Variants in TJP1 observed in about 807,000 individuals in gnomAD.
TJP1 encodes the protein tight junction protein ZO-1.
In TJP1, 43 loss-of-function variants were observed where a neutral mutation model predicts 194.2. The observed-to-expected ratio is 0.22, with a 90% confidence interval of 0.17 to 0.29. TJP1 has a LOEUF of 0.29. TJP1 is among the 10% of genes least tolerant of loss of function. The pLI is 1.00. For synonymous variants in TJP1, 801 were observed against 779.0 expected (o/e 1.03, Z -0.47); for missense variants, 1,971 against 2,185.7 (o/e 0.90, Z 1.96).
intron 2 of TJP1, among the ~76,000 whole-genome samples, chr15:29,913,449 G>T (rs1217943986): frequency 6.6e-6 from 1 of 152,156 alleles, no homozygotes; most frequent in Non-Finnish European, 1.5e-5. Context: ...TTGTGTATGT[G>T]CACACACATT....
intron 2 of TJP1, among the ~76,000 whole-genome samples, chr15:29,869,038 T>C (rs965222509): frequency 6.6e-6 from 1 of 152,196 alleles, no homozygotes; most frequent in Non-Finnish European, 1.5e-5. Flanking sequence ...AAAGGCAGCA[T>C]TTCAAGAAAA....
rs574399732 is a variant in TJP1 at position 29,701,174 on chromosome 15, C to T, written c.*421G>A. 2 of 161,810 alleles carry T rather than the reference C, an allele frequency of 1.2e-5. No individual in the cohort carries two copies. The highest frequency in any genetic ancestry group is 4.8e-5 in the African/African-American group (2 of 41,920). 10.0% of individuals were successfully genotyped at this position (161,810 alleles called of 1,614,324 possible). ...TTTAAAAAATGTGTGCATATTACTT[C>T]ATGCATAATAAAATAAAATGTGTAC... On this transcript the variant is annotated 3_prime_UTR_variant, in exon 28 of 28. Transcript: ENST00000614355.
intron 2 of TJP1, among the ~76,000 whole-genome samples, chr15:29,931,045 A>G (rs188169459): frequency 6.6e-6 from 1 of 152,296 alleles, no homozygotes; most frequent in Non-Finnish European, 1.5e-5. Flanking sequence ...CCTCCTGTTG[A>G]CCAGAAGCCT....
At chr15:29,844,217 T>C (rs1018911452) in intron 2 of TJP1, among the ~76,000 whole-genome samples, 5 of 152,072 alleles carry the variant, frequency 3.3e-5, no homozygotes, top group Non-Finnish European at 5.9e-5. Flanking sequence ...ACTACAGGCA[T>C]GCATCACCAC....
At chr15:29,752,117 C>T (rs1333075279) in intron 8 of TJP1, among the ~76,000 whole-genome samples, 13 of 113,232 alleles carry the variant, frequency 1.1e-4, no homozygotes, top group African/African-American at 3.1e-4. Context: ...TTTTTTTTTC[C>T]CCCCAGACGG....
At chr15:29,903,674 G>A (rs1297669457) in intron 2 of TJP1, among the ~76,000 whole-genome samples, 1 of 152,120 alleles carries the variant, frequency 6.6e-6, no homozygotes, top group Non-Finnish European at 1.5e-5. Flanking sequence ...TCAATCTCCC[G>A]ACCTTGTGAT....
At chr15:29,774,633 GT>G (rs796329725) in intron 2 of TJP1, among the ~76,000 whole-genome samples, 18 of 148,848 alleles carry the variant, frequency 1.2e-4, no homozygotes, top group South Asian at 8.5e-4. Flanking sequence ...AATGGGAGGT[GT>G]TTTTTTTTTC....
chr15:29,955,753 TAAAAAAAAAAAAA>T lies in TJP1; in HGVS notation c.306+466_306+478del, dbSNP rs563535771. On this transcript the variant is annotated intron_variant, in intron 2 of 28. Transcript: ENST00000356107. ...GCAACAGAAGGAGACCCTGGCTCTT[TAAAAAAAAAAAAA>T]AAAAAAAAAAAAAAAAAGAATAGAA... Among the ~76,000 whole-genome samples, 18 of 35,816 alleles carry T rather than the reference TAAAAAAAAAAAAA, an allele frequency of 5.0e-4. 1 individual carries two copies. The highest frequency in any genetic ancestry group is 3.2e-3 in the East Asian group (3 of 924). The allele number at this position is 35,816 out of a possible 152,430, so 23.5% of individuals were successfully genotyped here. A position where few individuals can be genotyped will look rare whatever the true frequency, so the allele number is the denominator to read the frequency against.
Position 29,703,920 on chromosome 15 carries a change from G to C in TJP1, c.5212+242C>G, listed in dbSNP as rs548365865. ...AGCCTCCCAAAGTGCTGCGATTACAGGCATGAGCCACGGCGCCCGGCCCAA... is the reference window on the plus strand; with the variant it reads ...AGCCTCCCAAAGTGCTGCGATTACACGCATGAGCCACGGCGCCCGGCCCAA... On this transcript the variant is annotated intron_variant, in intron 27 of 27. Coordinates refer to ENST00000614355, the MANE Select transcript of TJP1 (RefSeq NM_001330239.4). Among the ~76,000 whole-genome samples the C allele has an allele frequency of 6.6e-5, 10 of 152,334 alleles. No homozygotes were observed. The South Asian group carries it at 1.9e-3, about 28-fold the overall frequency.
intron 2 of TJP1, among the ~76,000 whole-genome samples, chr15:29,837,118 T>C (rs12440708): frequency 0.79 from 119,578 of 152,132 alleles, 47,750 homozygotes; most frequent in East Asian, 0.89. Context: ...TATATTATTC[T>C]GTATTATTTA....
At chr15:29,812,582 C>G (rs1799514400) in intron 1 of TJP1, among the ~76,000 whole-genome samples, 1 of 152,152 alleles carries the variant, frequency 6.6e-6, no homozygotes, top group South Asian at 2.1e-4. Flanking sequence ...TAAGACTTAC[C>G]TAACACCATC....
chr15:29,850,423 C>T (rs1399566437), intron 2 of TJP1, among the ~76,000 whole-genome samples: 3 of 152,050 alleles, frequency 2.0e-5, no homozygotes, highest in African/African-American at 7.2e-5. Context: ...CTCCGCCTCC[C>T]AGGTCCTGGT....
rs551944804 is a variant in TJP1 at position 29,809,750 on chromosome 15, G to A, written c.28-9048C>T. 5.3e-5 allele frequency among the ~76,000 whole-genome samples: 8 copies of A among 152,210 alleles called. No individual in the cohort carries two copies. In the South Asian group the frequency reaches 6.2e-4, roughly 12 times the overall value. ...AATCCCAGCTACTCAGGAGGCTGAG[G>A]CAGGAGAATCCCTTGAACCAGGGAG... On this transcript the variant is annotated intron_variant, in intron 1 of 27. Coordinates refer to ENST00000614355, the MANE Select transcript of TJP1 (RefSeq NM_001330239.4).
chr15:29,844,777 C>T (rs2051349022), intron 2 of TJP1, among the ~76,000 whole-genome samples: 1 of 152,082 alleles, frequency 6.6e-6, no homozygotes, highest in Non-Finnish European at 1.5e-5. Flanking sequence ...TGAGATCAAT[C>T]TGGACTTAAG....
At chr15:29,880,963 ATGAGATTGCTAGATCG>A (rs2052906312) in intron 2 of TJP1, among the ~76,000 whole-genome samples, 1 of 152,222 alleles carries the variant, frequency 6.6e-6, no homozygotes, top group South Asian at 2.1e-4. Flanking sequence ...ATACCTATAA[ATGAGATTGCTAGATCG>A]TGTAATTCTA....
At chr15:29,735,787 T>A (rs886219234) in intron 11 of TJP1, among the ~76,000 whole-genome samples, 1 of 152,126 alleles carries the variant, frequency 6.6e-6, no homozygotes, top group African/African-American at 2.4e-5. Context: ...AGAATGACCA[T>A]ATCAGATCAG....
At chr15:29,801,125 T>A (rs1024754445) in intron 1 of TJP1, among the ~76,000 whole-genome samples, 4 of 152,184 alleles carry the variant, frequency 2.6e-5, no homozygotes, top group Admixed American at 2.6e-4. Context: ...TAAATATACA[T>A]GTCACAGGAA....
intron 2 of TJP1, among the ~76,000 whole-genome samples, chr15:29,892,996 T>A: frequency 6.6e-6 from 1 of 152,222 alleles, no homozygotes; most frequent in East Asian, 1.9e-4. Context: ...CTGAGCAAAG[T>A]AAATTAAAAA....
intron 2 of TJP1, among the ~76,000 whole-genome samples, chr15:29,925,304 C>T (rs894109122): frequency 2.0e-5 from 3 of 152,210 alleles, no homozygotes; most frequent in Non-Finnish European, 4.4e-5. Context: ...TTCCAGATGT[C>T]ACACAGCATG....
Sources: gnomAD v4.1 joint callset for allele counts (sites outside exome capture counted in the v4.1 genomes callset) on GRCh38, gnomAD v4.1.1 for gene constraint, MANE v1.5 for transcripts, NCBI Gene and HGNC (gene_info 2026-07-23, HGNC 2026-07-21) for gene names.